Variants in SORCS1 observed in about 807,000 individuals in gnomAD.
SORCS1 encodes VPS10 domain-containing receptor SorCS1.
Under a neutral mutation model 146.1 loss-of-function variants are expected in SORCS1, and 60 were observed. The ratio of observed to expected loss-of-function variants is 0.41; its 90% CI spans 0.33 to 0.51. SORCS1 has a LOEUF of 0.51. Among genes scored for constraint, SORCS1 ranks in the 20% least tolerant of loss-of-function variants. The pLI is 0.21. For synonymous variants in SORCS1, 637 were observed against 584.0 expected, an observed-to-expected ratio of 1.09 and a Z score of -1.31; for missense variants, 1,352 against 1,487.6, an observed-to-expected ratio of 0.91 and a Z score of 1.50.
intron 6 of SORCS1, among the ~76,000 whole-genome samples, chr10:106,719,891 C>T (rs10884341): frequency 0.17 from 26,489 of 152,176 alleles, 3,083 homozygotes; most frequent in Non-Finnish European, 0.27. Flanking sequence ...TCTGTTATGC[C>T]TCAGCCATGC....
intron 1 of SORCS1, among the ~76,000 whole-genome samples, chr10:107,035,290 AC>A (rs753268530): frequency 0.038 from 5,715 of 149,698 alleles, 270 homozygotes; most frequent in African/African-American, 0.11. Flanking sequence ...AAAAAAAAAA[AC>A]ACAGAAAAAC....
chr10:107,032,637 A>C (rs899274518), intron 1 of SORCS1, among the ~76,000 whole-genome samples: 1 of 152,156 alleles, frequency 6.6e-6, no homozygotes, highest in Non-Finnish European at 1.5e-5. Flanking sequence ...TTGTTGCCCT[A>C]TGGATATGTG....
intron 2 of SORCS1, among the ~76,000 whole-genome samples, chr10:106,857,441 A>G (rs1011003432): frequency 4.6e-5 from 7 of 152,298 alleles, no homozygotes; most frequent in African/African-American, 1.7e-4. Context: ...GATGTCCTGA[A>G]AGCGGAACAG....
At chr10:106,659,178 C>T (rs551375882) in intron 17 of SORCS1, among the ~76,000 whole-genome samples, 1 of 152,344 alleles carries the variant, frequency 6.6e-6, no homozygotes, top group East Asian at 1.9e-4. Flanking sequence ...AAGGCAACAG[C>T]TCTTTGGACT....
At chr10:107,102,693 ACTGTGGTT>A (rs745927672) in intron 1 of SORCS1, among the ~76,000 whole-genome samples, 16 of 152,176 alleles carry the variant, frequency 1.1e-4, no homozygotes, top group Non-Finnish European at 1.6e-4. Context: ...AAAGCGATAA[ACTGTGGTT>A]CTTCGGCTTA....
At chr10:106,913,174 T>C (rs1374854686) in intron 2 of SORCS1, among the ~76,000 whole-genome samples, 2 of 152,052 alleles carry the variant, frequency 1.3e-5, no homozygotes, top group Non-Finnish European at 2.9e-5. Flanking sequence ...CTCTTCAGAG[T>C]GAGAAAAAGA....
chr10:106,808,596 G>A (rs1029783006), intron 3 of SORCS1, among the ~76,000 whole-genome samples: 47 of 152,098 alleles, frequency 3.1e-4, no homozygotes, highest in African/African-American at 8.4e-4. Context: ...TCCGCCTCCC[G>A]GGTTCACACC....
At chr10:106,607,453 C>G (rs1846683017) in intron 22 of SORCS1, among the ~76,000 whole-genome samples, 156 bp from the exon 23 acceptor site, 1 of 152,186 alleles carries the variant, frequency 6.6e-6, no homozygotes, top group Non-Finnish European at 1.5e-5. Flanking sequence ...ATGTGAGAGA[C>G]AGCACTGGGC....
chr10:106,687,485 C>A (rs931953966), intron 10 of SORCS1, among the ~76,000 whole-genome samples: 2 of 152,072 alleles, frequency 1.3e-5, no homozygotes. Context: ...CCTTTGTTCA[C>A]CAAACAAAGT....
intron 1 of SORCS1, among the ~76,000 whole-genome samples, chr10:107,137,398 C>T (rs942755064): frequency 3.3e-5 from 5 of 152,142 alleles, no homozygotes; most frequent in South Asian, 2.1e-4. Flanking sequence ...CCTCCATCCC[C>T]GACAACTCAA....
intron 2 of SORCS1, among the ~76,000 whole-genome samples, chr10:106,838,243 G>A (rs1031799311): frequency 5.3e-5 from 8 of 152,108 alleles, no homozygotes; most frequent in African/African-American, 1.4e-4. Flanking sequence ...GTGGTGACTC[G>A]GTTCTATGCC....
chr10:106,902,614 C>T lies in SORCS1; in HGVS notation c.626+53899G>A, dbSNP rs529766581. On this transcript the variant is annotated intron_variant, in intron 2 of 25. Transcript: ENST00000263054. ...TAAAAGAAAATCACATGAAGAGATTCATAGGTATAACTGGTGGTGGTCTTA... is the reference window on the plus strand; with the variant it reads ...TAAAAGAAAATCACATGAAGAGATTTATAGGTATAACTGGTGGTGGTCTTA... Among the ~76,000 whole-genome samples the T allele has an allele frequency of 2.0e-5, 3 of 152,236 alleles. No homozygotes were observed. The South Asian group carries it at 6.2e-4, about 32-fold the overall frequency.
intron 2 of SORCS1, among the ~76,000 whole-genome samples, chr10:106,890,565 T>C (rs185769354): frequency 9.2e-5 from 14 of 152,328 alleles, no homozygotes; most frequent in African/African-American, 2.9e-4. Flanking sequence ...CTTTTCTAAA[T>C]GACATCTTAG....
At chr10:106,598,033 C>A (rs138828117) in intron 23 of SORCS1, among the ~76,000 whole-genome samples, 578 of 152,084 alleles carry the variant, frequency 3.8e-3, no homozygotes, top group Non-Finnish European at 6.6e-3. Context: ...ACCGGGCAGA[C>A]CCATGGAATT....
At chr10:107,171,460 A>G in the SORCS1 span, among the ~76,000 whole-genome samples, 1 of 151,082 alleles carries the variant, frequency 6.6e-6, no homozygotes, top group South Asian at 2.1e-4. Flanking sequence ...ATGTACTTGA[A>G]TTATTCTTTG....
Position 106,620,636 on chromosome 10 carries a change from T to C in SORCS1, c.2663-75A>G. On this transcript the variant is annotated intron_variant, in intron 19 of 25. Coordinates refer to ENST00000263054, the MANE Select transcript of SORCS1 (RefSeq NM_052918.5). ...CTCTGTCCTCCCTGCTCTGAAGAGA[T>C]CACACATTTACTCTTGAAGCCCCCA... 5 of 1,514,538 alleles carry C rather than the reference T, an allele frequency of 3.3e-6. No individual in the cohort carries two copies. In the Admixed American group the frequency reaches 6.3e-5, roughly 19 times the overall value. The allele number at this position is 1,514,538 out of a possible 1,614,324, so 93.8% of individuals were successfully genotyped here. A position where few individuals can be genotyped will look rare whatever the true frequency, so the allele number is the denominator to read the frequency against.
rs577438836 is a variant in SORCS1, at chr10:106,829,886, T to G, written c.627-213A>C. ...AATTGGTAAAAATTAAAACTCCATC[T>G]CTCTACTGCTCCTTAATGTACGCAC... On this transcript the variant is annotated intron_variant, in intron 2 of 25. Coordinates refer to ENST00000263054, the MANE Select transcript of SORCS1 (RefSeq NM_052918.5). Among the ~76,000 whole-genome samples, 6 of 152,182 alleles carry G rather than the reference T, an allele frequency of 3.9e-5. No homozygotes were observed. The South Asian group carries it at 1.2e-3, about 32-fold the overall frequency.
chr10:106,693,819 T>C (rs1245612830), intron 9 of SORCS1, among the ~76,000 whole-genome samples: 1 of 152,140 alleles, frequency 6.6e-6, no homozygotes, highest in Non-Finnish European at 1.5e-5. Context: ...AACTTACATA[T>C]TTGTGTAAGA....
intron 14 of SORCS1, among the ~76,000 whole-genome samples, chr10:106,673,351 T>C (rs1426655890): frequency 6.6e-6 from 1 of 152,124 alleles, no homozygotes; most frequent in East Asian, 1.9e-4. Flanking sequence ...CAGGATGGTC[T>C]TGATCTCCTG....
Sources: allele counts gnomAD v4.1 joint callset (sites outside exome capture counted in the v4.1 genomes callset), GRCh38; gene constraint gnomAD v4.1.1; transcripts MANE v1.5; gene names NCBI Gene and HGNC (gene_info 2026-07-23, HGNC 2026-07-21).